Variants in ADGRB3 observed in about 807,000 individuals in gnomAD.
The protein encoded by ADGRB3 is brain-specific angiogenesis inhibitor 3.
Under a neutral mutation model 193.4 loss-of-function variants are expected in ADGRB3, and 37 were observed. The ratio of observed to expected loss-of-function variants is 0.19; its 90% CI spans 0.15 to 0.25. ADGRB3 has a LOEUF of 0.25. ADGRB3 is among the 10% of genes least tolerant of loss of function. The pLI is 1.00. For synonymous variants in ADGRB3, 690 were observed against 644.2 expected, an observed-to-expected ratio of 1.07 and a Z score of -1.08; for missense variants, 1,637 against 1,852.9, an observed-to-expected ratio of 0.88 and a Z score of 2.14.
At chr6:68,736,371 T>A (rs1765871759) in intron 3 of ADGRB3, among the ~76,000 whole-genome samples, 2 of 152,170 alleles carry the variant, frequency 1.3e-5, no homozygotes, top group Admixed American at 1.3e-4. Flanking sequence ...ATATCTCTAT[T>A]GTAATAAAAT....
At chr6:69,284,097 T>C (rs1767499562) in intron 20 of ADGRB3, among the ~76,000 whole-genome samples, 1 of 152,186 alleles carries the variant, frequency 6.6e-6, no homozygotes, top group African/African-American at 2.4e-5. Context: ...GAAGCTCTAA[T>C]TCTCATTGTT....
chr6:68,828,520 G>T lies in ADGRB3; in HGVS notation c.758-102039G>T, dbSNP rs191973362. ...GTTCACTGGTCTCTAAAAGTGTTTA[G>T]GGTAGTGTGTTGAGGCTGATGATTA... On this transcript the variant is annotated intron_variant, in intron 3 of 31. Coordinates refer to ENST00000370598, the MANE Select transcript of ADGRB3 (RefSeq NM_001704.3). 2.6e-4 allele frequency among the ~76,000 whole-genome samples: 40 copies of T among 152,234 alleles called. No individual in the cohort carries two copies. The South Asian group carries it at 4.8e-3, about 18-fold the overall frequency.
At chr6:68,942,448 T>G (rs758417178) in intron 5 of ADGRB3, among the ~76,000 whole-genome samples, 6 of 152,174 alleles carry the variant, frequency 3.9e-5, no homozygotes, top group Admixed American at 6.5e-5. Context: ...ATAGCAAGAC[T>G]AGAGGTCCAA....
At chr6:69,186,947 T>G (rs954976145) in intron 17 of ADGRB3, among the ~76,000 whole-genome samples, 10 of 150,602 alleles carry the variant, frequency 6.6e-5, no homozygotes, top group African/African-American at 2.5e-4. Flanking sequence ...GTTTTTTGTT[T>G]TTTTTTTTTG....
chr6:69,205,857 C>G (rs1257244206), intron 17 of ADGRB3, among the ~76,000 whole-genome samples: 17 of 151,304 alleles, frequency 1.1e-4, no homozygotes, highest in Admixed American at 1.1e-3. Context: ...GTCATCATAG[C>G]TCATTGCTGC....
chr6:69,115,523 C>A (rs763023838), intron 17 of ADGRB3, among the ~76,000 whole-genome samples: 16 of 152,200 alleles, frequency 1.1e-4, no homozygotes, highest in Middle Eastern at 6.8e-3. Context: ...TGCAGCAAAC[C>A]ACCACGGCAC....
In ADGRB3 at chr6:69,205,623, AAATGT is replaced by A. The variant is rs1420387784; in HGVS notation, c.2481-27666_2481-27662del. On this transcript the variant is annotated intron_variant, in intron 17 of 31. Transcript: ENST00000370598. ...CTCTAGTATGGGTGATCCCATGGTG[AAATGT>A]GGGAGGCAGAAGCTATTGTGCAAGA... Among the ~76,000 whole-genome samples, 3 of 152,054 alleles carry A rather than the reference AAATGT, an allele frequency of 2.0e-5. No homozygotes were observed. In the South Asian group the frequency reaches 6.2e-4, roughly 32 times the overall value.
chr6:68,936,745 G>C (rs898427443), intron 5 of ADGRB3, 65 bp downstream of exon 5: 20 of 1,513,048 alleles, frequency 1.3e-5, no homozygotes, highest in South Asian at 1.3e-5. Context: ...CATTTGGAAC[G>C]ATTTGTTATT....
chr6:69,119,564 A>G (rs1382887587), intron 17 of ADGRB3, among the ~76,000 whole-genome samples: 2 of 149,618 alleles, frequency 1.3e-5, no homozygotes, highest in African/African-American at 4.9e-5. Context: ...ATTTCAGCAA[A>G]GACTTTAAGG....
At chr6:68,758,985 T>C (rs1387341064) in intron 3 of ADGRB3, among the ~76,000 whole-genome samples, 1 of 152,122 alleles carries the variant, frequency 6.6e-6, no homozygotes, top group Non-Finnish European at 1.5e-5. Flanking sequence ...TCAAGAGCAC[T>C]TACATTTAGC....
intron 11 of ADGRB3, among the ~76,000 whole-genome samples, chr6:69,000,216 T>C (rs181978385): frequency 6.6e-6 from 1 of 152,288 alleles, no homozygotes; most frequent in East Asian, 1.9e-4. Flanking sequence ...GAAGGGATAA[T>C]AGTCAATTCA....
intron 13 of ADGRB3, among the ~76,000 whole-genome samples, chr6:69,027,257 C>T (rs1490690029): frequency 6.6e-6 from 1 of 151,514 alleles, no homozygotes; most frequent in Non-Finnish European, 1.5e-5. Flanking sequence ...TGAATTCACA[C>T]ATTAGCCTAG....
chr6:69,142,635 G>A (rs780180150), intron 17 of ADGRB3, among the ~76,000 whole-genome samples: 1 of 152,168 alleles, frequency 6.6e-6, no homozygotes, highest in Non-Finnish European at 1.5e-5. Context: ...CATATTGATA[G>A]TATGTCAGCT....
At chr6:69,098,869 G>A (rs952812560) in intron 17 of ADGRB3, among the ~76,000 whole-genome samples, 2 of 151,980 alleles carry the variant, frequency 1.3e-5, no homozygotes, top group African/African-American at 4.8e-5. Flanking sequence ...AAAATGTCAC[G>A]AGTTGTCTTA....
chr6:68,958,760 TA>T, intron 8 of ADGRB3, among the ~76,000 whole-genome samples: 1 of 152,084 alleles, frequency 6.6e-6, no homozygotes, highest in Non-Finnish European at 1.5e-5. Context: ...GAGATGAAAA[TA>T]ACCATAAATT....
At chr6:69,177,660 T>C (rs372578031) in intron 17 of ADGRB3, among the ~76,000 whole-genome samples, 88 of 152,318 alleles carry the variant, frequency 5.8e-4, no homozygotes, top group African/African-American at 2.0e-3. Context: ...TCAAAGACTT[T>C]TTGCTTATTT....
intron 3 of ADGRB3, among the ~76,000 whole-genome samples, chr6:68,761,386 G>T (rs1436677500): frequency 6.9e-6 from 1 of 144,588 alleles, no homozygotes; most frequent in Non-Finnish European, 1.5e-5. Context: ...CTCCTTGCAG[G>T]CAGTCTCAGG....
chr6:68,898,422 TCA>T lies in ADGRB3; in HGVS notation c.758-32134_758-32133del, dbSNP rs1420752348. On this transcript the variant is annotated intron_variant, in intron 3 of 31. Transcript: ENST00000370598. ...ATGCTAATCTCTTCTGGAAATTCCC[TCA>T]CAGACACACCCAGAAATAATGTTTC... Among the ~76,000 whole-genome samples, 6 of 152,302 alleles carry T rather than the reference TCA, an allele frequency of 3.9e-5. No homozygotes were observed. In the East Asian group the frequency reaches 1.2e-3, roughly 29 times the overall value.
intron 3 of ADGRB3, among the ~76,000 whole-genome samples, chr6:68,651,357 C>A (rs1680179336): frequency 6.6e-6 from 1 of 152,154 alleles, no homozygotes; most frequent in African/African-American, 2.4e-5. Flanking sequence ...CATTTTAATA[C>A]TTTAGCTTGT....
Sources: allele counts gnomAD v4.1 joint callset (sites outside exome capture counted in the v4.1 genomes callset), GRCh38; gene constraint gnomAD v4.1.1; transcripts MANE v1.5; gene names NCBI Gene and HGNC (gene_info 2026-07-23, HGNC 2026-07-21).